MARCHF4: variants seen among roughly 807,000 people sequenced by gnomAD.
MARCHF4 encodes the protein E3 ubiquitin-protein ligase MARCHF4.
Under a neutral mutation model 43.9 loss-of-function variants are expected in MARCHF4, and 14 were observed. The ratio of observed to expected loss-of-function variants is 0.32; its 90% CI spans 0.21 to 0.50. The LOEUF (loss-of-function observed/expected upper bound fraction) is 0.50. Ranked by LOEUF, MARCHF4 falls within the 20% of genes least tolerant of loss-of-function variation. The probability of loss-of-function intolerance (pLI) is 0.98; values close to 1 mark genes in which losing one functional copy is unlikely to be tolerated. For synonymous variants in MARCHF4, 226 were observed against 213.3 expected, an observed-to-expected ratio of 1.06 and a Z score of -0.52; for missense variants, 468 against 536.7, an observed-to-expected ratio of 0.87 and a Z score of 1.27.
chr2:216,357,620 C>T (rs1460397568), intron 1 of MARCHF4, among the ~76,000 whole-genome samples: 1 of 152,166 alleles, frequency 6.6e-6, no homozygotes, highest in East Asian at 1.9e-4. Context: ...CATGTCCAGC[C>T]TTCATTCTAT....
chr2:216,357,710 T>A (rs1692522544), intron 1 of MARCHF4, among the ~76,000 whole-genome samples: 1 of 152,250 alleles, frequency 6.6e-6, no homozygotes, highest in African/African-American at 2.4e-5. Flanking sequence ...TTTTTAATAT[T>A]CAAAAAGTAT....
At chr2:216,363,411 A>G (rs1692617403) in intron 1 of MARCHF4, among the ~76,000 whole-genome samples, 2 of 152,238 alleles carry the variant, frequency 1.3e-5, no homozygotes, top group African/African-American at 4.8e-5. Context: ...TCAATGTTGT[A>G]TCCGTGCTTA....
chr2:216,293,220 C>T (rs963106157), intron 1 of MARCHF4, among the ~76,000 whole-genome samples: 2 of 152,336 alleles, frequency 1.3e-5, no homozygotes, highest in Admixed American at 6.5e-5. Flanking sequence ...TGGCATTTCA[C>T]ATGCTCCCTT....
chr2:216,268,315 C>T (rs139613759), intron 3 of MARCHF4, among the ~76,000 whole-genome samples: 3 of 152,192 alleles, frequency 2.0e-5, no homozygotes, highest in Non-Finnish European at 4.4e-5. Context: ...TGATTAGTAG[C>T]CGATATGGTT....
chr2:216,296,332 C>T (rs1691394264), intron 1 of MARCHF4, among the ~76,000 whole-genome samples: 1 of 152,152 alleles, frequency 6.6e-6, no homozygotes, highest in Admixed American at 6.5e-5. Context: ...GGCGACAGAG[C>T]GAGACTCCAT....
intron 2 of MARCHF4, among the ~76,000 whole-genome samples, chr2:216,279,329 G>C (rs951846810): frequency 1.3e-5 from 2 of 152,200 alleles, no homozygotes; most frequent in Non-Finnish European, 2.9e-5. Flanking sequence ...AGAGCTTGTG[G>C]GGTGAGACAA....
intron 3 of MARCHF4, among the ~76,000 whole-genome samples, chr2:216,259,927 C>G (rs1389879347): frequency 6.6e-6 from 1 of 152,188 alleles, no homozygotes; most frequent in Non-Finnish European, 1.5e-5. Context: ...CTACACCACC[C>G]CACCCCCTTC....
Position 216,372,082 on chromosome 2 carries a change from T to G in MARCHF4, c.-1822A>C, listed in dbSNP as rs1173349793. 6.6e-6 allele frequency: 1 copy of G among 152,122 alleles called. No homozygotes were observed. Among genetic ancestry groups the G allele is most frequent in the Non-Finnish European group, 1.5e-5 (1 of 68,056 alleles). 9.4% of individuals were successfully genotyped at this position (152,122 alleles called of 1,614,324 possible). A position where few individuals can be genotyped will look rare whatever the true frequency, so the allele number is the denominator to read the frequency against. ...CCTCGCGACTCCCCAAAACCGTATA[T>G]AAATATATCTCTTATAAAAGCCGAG... On this transcript the variant is annotated 5_prime_UTR_variant, in exon 1 of 4. Coordinates refer to ENST00000273067, the MANE Select transcript of MARCHF4 (RefSeq NM_020814.3).
chr2:216,323,758 A>C (rs1169772819), intron 1 of MARCHF4, among the ~76,000 whole-genome samples: 7 of 152,226 alleles, frequency 4.6e-5, no homozygotes, highest in African/African-American at 1.7e-4. Flanking sequence ...ATGTTCTTTG[A>C]AACCAACGAG....
chr2:216,313,808 C>T (rs1456892473), intron 1 of MARCHF4, among the ~76,000 whole-genome samples: 2 of 152,168 alleles, frequency 1.3e-5, no homozygotes, highest in African/African-American at 4.8e-5. Flanking sequence ...ATATCTGATT[C>T]TCCTGCCATT....
Position 216,274,135 on chromosome 2 carries a change from A to G in MARCHF4, c.865+3537T>C, listed in dbSNP as rs1465439583. Among the ~76,000 whole-genome samples the G allele has an allele frequency of 3.3e-5, 5 of 152,010 alleles. No individual in the cohort carries two copies. In the East Asian group the frequency reaches 9.7e-4, roughly 29 times the overall value. On this transcript the variant is annotated intron_variant, in intron 3 of 3. Coordinates refer to ENST00000273067, the MANE Select transcript of MARCHF4 (RefSeq NM_020814.3). ...TGAACTGAGTATGACTTCTGCGGGA[A>G]CCCTGGAAATGATGCTCAGGTGGAC...
intron 1 of MARCHF4, among the ~76,000 whole-genome samples, chr2:216,338,626 G>A (rs987805810): frequency 1.3e-5 from 2 of 151,910 alleles, no homozygotes; most frequent in African/African-American, 2.4e-5. Context: ...CCTCTCCTGC[G>A]TGGACTTGCA....
intron 1 of MARCHF4, among the ~76,000 whole-genome samples, chr2:216,298,854 T>C (rs1231144322): frequency 2.0e-5 from 3 of 152,320 alleles, no homozygotes; most frequent in East Asian, 1.9e-4. Flanking sequence ...GTCCTGTCCA[T>C]GTGTTTCCTG....
At chr2:216,326,552 G>C (rs1440640670) in intron 1 of MARCHF4, among the ~76,000 whole-genome samples, 2 of 151,592 alleles carry the variant, frequency 1.3e-5, no homozygotes, top group Non-Finnish European at 2.9e-5. Flanking sequence ...CAAAGACTTG[G>C]AACCAACCCA....
At position 216,277,877 on chromosome 2, in the gene MARCHF4, G is replaced by C. The variant is rs367545423; in HGVS notation, c.673-13C>G. On this transcript the variant is annotated splice_polypyrimidine_tract_variant and intron_variant, in intron 2 of 3. Transcript: ENST00000273067. Reference sequence around the variant, plus strand: ...AGATGGCCTGCCACTGCAGGGGAGAGAGTGGCCAGTTAGCAGTTGCTTGGA... The same window carrying C: ...AGATGGCCTGCCACTGCAGGGGAGACAGTGGCCAGTTAGCAGTTGCTTGGA... 96 of 1,597,504 alleles carry C rather than the reference G, an allele frequency of 6.0e-5. No individual in the cohort carries two copies. In the East Asian group the frequency reaches 1.3e-3, roughly 21 times the overall value.
chr2:216,319,651 T>G (rs1009659801), intron 1 of MARCHF4, among the ~76,000 whole-genome samples: 3 of 152,220 alleles, frequency 2.0e-5, no homozygotes, highest in Admixed American at 6.5e-5. Context: ...ATAGAAACTT[T>G]TATTGGTCTC....
At chr2:216,348,032 CTTTTTT>C (rs773695717) in intron 1 of MARCHF4, among the ~76,000 whole-genome samples, 1 of 99,706 alleles carries the variant, frequency 1.0e-5, no homozygotes, top group Non-Finnish European at 2.0e-5. Context: ...TTAAGGCATT[CTTTTTT>C]TTTTTTTTTT....
chr2:216,345,655 T>C (rs1188746639), intron 1 of MARCHF4, among the ~76,000 whole-genome samples: 1 of 152,192 alleles, frequency 6.6e-6, no homozygotes, highest in Non-Finnish European at 1.5e-5. Context: ...ATAATTCTAA[T>C]ATGCCAGCTA....
chr2:216,349,683 A>G (rs1692369273), intron 1 of MARCHF4, among the ~76,000 whole-genome samples: 1 of 152,176 alleles, frequency 6.6e-6, no homozygotes, highest in African/African-American at 2.4e-5. Context: ...TTGAATGGAA[A>G]TGAAAGGCAG....
Sources: gnomAD v4.1 joint callset for allele counts (sites outside exome capture counted in the v4.1 genomes callset) on GRCh38, gnomAD v4.1.1 for gene constraint, MANE v1.5 for transcripts, NCBI Gene and HGNC (gene_info 2026-07-23, HGNC 2026-07-21) for gene names.